The following DYRK1A variants were observed in gnomAD, a reference collection of about 807,000 sequenced individuals.
The protein encoded by DYRK1A is dual specificity tyrosine phosphorylation regulated kinase 1A, also known as dual specificity tyrosine-phosphorylation-regulated kinase 1A.
Under a neutral mutation model 79.7 loss-of-function variants are expected in DYRK1A, and 9 were observed. That is an observed-to-expected ratio of 0.11 (90% CI 0.07 to 0.20). The LOEUF (loss-of-function observed/expected upper bound fraction) is 0.20, where lower values mean the gene tolerates loss of function less well. Ranked by LOEUF, DYRK1A falls within the 10% of genes least tolerant of loss-of-function variation. The pLI, the probability that DYRK1A is intolerant of heterozygous loss-of-function variation, is 1.00. For missense variants in DYRK1A, 622 were observed against 956.0 expected, an observed-to-expected ratio of 0.65 and a Z score of 4.61; for synonymous variants, 349 against 329.7, an observed-to-expected ratio of 1.06 and a Z score of -0.63.
intron 1 of DYRK1A, 108 bp downstream of exon 1, chr21:37,367,736 C>G (rs1280411063): frequency 7.0e-6 from 1 of 143,362 alleles, no homozygotes; most frequent in Non-Finnish European, 1.5e-5. Context: ...AGGGACCTGC[C>G]ATTTTAGGAG....
intron 2 of DYRK1A, among the ~76,000 whole-genome samples, chr21:37,460,734 T>G (rs2051812964): frequency 6.6e-6 from 1 of 152,212 alleles, no homozygotes; most frequent in African/African-American, 2.4e-5. Context: ...AATTTAAAAT[T>G]TATGGGCACT....
rs143172056 is a variant in DYRK1A, at chr21:37,371,447, C to T, written c.-77+3819C>T. Among the ~76,000 whole-genome samples, 1,077 of 152,228 alleles carry T rather than the reference C, an allele frequency of 7.1e-3. 13 individuals carry two copies. The highest frequency in any genetic ancestry group is 0.025 in the African/African-American group (1,034 of 41,528). On this transcript the variant is annotated intron_variant, in intron 1 of 11. Coordinates refer to ENST00000647188, the MANE Select transcript of DYRK1A (RefSeq NM_001347721.2). ...AAATCCTACTTCCAGAGTACTAAAA[C>T]GAGTGAGAATTGTTTATTGGTGATA...
At chr21:37,479,003 A>AT (rs886686562) in intron 4 of DYRK1A, among the ~76,000 whole-genome samples, 3 of 152,228 alleles carry the variant, frequency 2.0e-5, no homozygotes, top group Non-Finnish European at 4.4e-5. Flanking sequence ...TCCAAAGTTA[A>AT]TTATTAAAGG....
intron 2 of DYRK1A, among the ~76,000 whole-genome samples, chr21:37,423,878 A>G (rs1488417097): frequency 1.3e-5 from 2 of 152,124 alleles, no homozygotes; most frequent in African/African-American, 2.4e-5. Context: ...ATATATACTC[A>G]TATATATGAA....
chr21:37,420,122 A>AT (rs929846036), intron 1 of DYRK1A, 177 bp from the exon 2 acceptor site: 3 of 312,848 alleles, frequency 9.6e-6, no homozygotes, highest in Non-Finnish European at 1.8e-5. Context: ...TATATAGTTG[A>AT]TTTTGATTAT....
chr21:37,464,422 C>T (rs1377044782), intron 2 of DYRK1A: 3 of 322,194 alleles, frequency 9.3e-6, no homozygotes, highest in East Asian at 1.9e-4. Flanking sequence ...GAAACATGCT[C>T]ATGGTAAAAA....
chr21:37,371,290 G>C (rs905573934), intron 1 of DYRK1A, among the ~76,000 whole-genome samples: 1 of 152,128 alleles, frequency 6.6e-6, no homozygotes, highest in African/African-American at 2.4e-5. Flanking sequence ...ATTGAAGAAA[G>C]ATCTTATTTG....
intron 1 of DYRK1A, among the ~76,000 whole-genome samples, chr21:37,417,799 C>CTGGAT (rs1249137309): frequency 1.3e-5 from 2 of 151,958 alleles, no homozygotes; most frequent in Admixed American, 1.3e-4. Flanking sequence ...AGCTCGGTTC[C>CTGGAT]TGGATTGTTC....
rs2049315288 is a variant in DYRK1A at position 37,366,820 on chromosome 21, C to T, written c.-885C>T. Reference sequence around the variant, plus strand: ...TTTGTTGGTTGGTTTTTTTTTAAACCCTTTCGCTTCCCGCCCGAATAATAA... The same window carrying T: ...TTTGTTGGTTGGTTTTTTTTTAAACTCTTTCGCTTCCCGCCCGAATAATAA... On this transcript the variant is annotated 5_prime_UTR_variant, in exon 1 of 12. Coordinates refer to ENST00000647188, the MANE Select transcript of DYRK1A (RefSeq NM_001347721.2). The T allele has an allele frequency of 6.6e-6, 1 of 151,900 alleles. No homozygotes were observed. The highest frequency in any genetic ancestry group is 2.4e-5 in the African/African-American group (1 of 41,322). 9.4% of individuals were successfully genotyped at this position (151,900 alleles called of 1,614,324 possible).
At chr21:37,470,099 G>A (rs2052171498) in intron 2 of DYRK1A, among the ~76,000 whole-genome samples, 2 of 152,166 alleles carry the variant, frequency 1.3e-5, no homozygotes, top group Non-Finnish European at 2.9e-5. Flanking sequence ...AGCCGAGATT[G>A]TGCCACTGCA....
At chr21:37,502,610 A>T (rs2053483784) in intron 9 of DYRK1A, 1 of 152,234 alleles carries the variant, frequency 6.6e-6, no homozygotes, top group Non-Finnish European at 1.5e-5. Context: ...AATAAAAAAT[A>T]GATTTAACAC....
In DYRK1A at chr21:37,514,544, AG is replaced by A. The variant is rs1250137330; in HGVS notation, c.*2015del. 6.6e-6 allele frequency: 1 copy of A among 152,642 alleles called. No individual in the cohort carries two copies. The highest frequency in any genetic ancestry group is 2.4e-5 in the African/African-American group (1 of 41,458). 9.5% of individuals were successfully genotyped at this position (152,642 alleles called of 1,614,324 possible). On this transcript the variant is annotated 3_prime_UTR_variant, in exon 12 of 12. Coordinates refer to ENST00000647188, the MANE Select transcript of DYRK1A (RefSeq NM_001347721.2). ...GTCAATTTTTTTTCTGAACAAAAGC[AG>A]GTTTTTATATGTAAACAGTGAGAAA... is the stretch of plus-strand genomic sequence containing the variant.
At chr21:37,452,460 A>G (rs570098144) in intron 2 of DYRK1A, among the ~76,000 whole-genome samples, 2 of 152,264 alleles carry the variant, frequency 1.3e-5, no homozygotes, top group East Asian at 1.9e-4. Context: ...ACTGGGTCAA[A>G]CTTGGCGCTA....
intron 5 of DYRK1A, among the ~76,000 whole-genome samples, chr21:37,483,065 C>T (rs2052714435): frequency 6.6e-6 from 1 of 152,102 alleles, no homozygotes. Context: ...CGACATACAT[C>T]CTCCTCAGCT....
intron 2 of DYRK1A, among the ~76,000 whole-genome samples, chr21:37,460,906 C>T (rs1035111044): frequency 6.6e-6 from 1 of 152,006 alleles, no homozygotes; most frequent in African/African-American, 2.4e-5. Flanking sequence ...ATCCTCTGTA[C>T]AATATGATAA....
At chr21:37,452,760 T>G (rs1177930139) in intron 2 of DYRK1A, among the ~76,000 whole-genome samples, 4 of 54,710 alleles carry the variant, frequency 7.3e-5, no homozygotes, top group African/African-American at 4.9e-4. Context: ...CACTCCCGTT[T>G]TTTTTTTTTT....
intron 1 of DYRK1A, among the ~76,000 whole-genome samples, chr21:37,368,985 T>A (rs2049375449): frequency 6.6e-6 from 1 of 152,178 alleles, no homozygotes; most frequent in African/African-American, 2.4e-5. Context: ...CCAAGAAAAC[T>A]ATGTAGTCAA....
At chr21:37,451,698 C>T (rs1405695869) in intron 2 of DYRK1A, among the ~76,000 whole-genome samples, 2 of 151,842 alleles carry the variant, frequency 1.3e-5, no homozygotes, top group African/African-American at 2.4e-5. Context: ...CTAGCGTGGG[C>T]GTGCAGTGTA....
chr21:37,459,960 A>G (rs1569342178), intron 2 of DYRK1A, among the ~76,000 whole-genome samples: 1 of 152,210 alleles, frequency 6.6e-6, no homozygotes, highest in Non-Finnish European at 1.5e-5. Context: ...TCAAGTGCCA[A>G]TTAAGTCAGG....
Sources: gnomAD v4.1 joint callset for allele counts (sites outside exome capture counted in the v4.1 genomes callset) on GRCh38, gnomAD v4.1.1 for gene constraint, MANE v1.5 for transcripts, NCBI Gene and HGNC (gene_info 2026-07-23, HGNC 2026-07-21) for gene names.